ARHGAP15: variants seen among roughly 807,000 people sequenced by gnomAD.
ARHGAP15 encodes the protein rho GTPase-activating protein 15.
Under a neutral mutation model 63.7 loss-of-function variants are expected in ARHGAP15, and 51 were observed. The observed-to-expected ratio is 0.80, with a 90% CI of 0.64 to 1.01. ARHGAP15 has a LOEUF of 1.01. Ranked by LOEUF, ARHGAP15 falls within the 50% of genes least tolerant of loss-of-function variation. The pLI, the probability that ARHGAP15 is intolerant of heterozygous loss-of-function variation, is 0.00. For synonymous variants in ARHGAP15, 191 were observed against 193.8 expected (o/e 0.99, Z 0.12); for missense variants, 560 against 564.6 (o/e 0.99, Z 0.08).
At chr2:143,751,331 C>G (rs1198694866) in intron 13 of ARHGAP15, among the ~76,000 whole-genome samples, 1 of 152,132 alleles carries the variant, frequency 6.6e-6, no homozygotes, top group African/African-American at 2.4e-5. Context: ...TCAGCTGAGG[C>G]AAACCCTGCA....
intron 6 of ARHGAP15, among the ~76,000 whole-genome samples, chr2:143,403,361 T>C (rs926153879): frequency 6.6e-6 from 1 of 151,890 alleles, no homozygotes; most frequent in African/African-American, 2.4e-5. Context: ...CCACTTCCAG[T>C]TCACATGCCT....
chr2:143,610,912 A>G (rs1008941904), intron 11 of ARHGAP15, among the ~76,000 whole-genome samples: 3 of 152,038 alleles, frequency 2.0e-5, no homozygotes, highest in African/African-American at 7.2e-5. Flanking sequence ...TATTTTTAGT[A>G]GAGACGGGGT....
chr2:143,464,505 TAAATC>T (rs1429001712), intron 8 of ARHGAP15, among the ~76,000 whole-genome samples: 6 of 152,132 alleles, frequency 3.9e-5, no homozygotes, highest in South Asian at 2.1e-4. Context: ...AATAAATAAA[TAAATC>T]CTCTGTATAT....
intron 2 of ARHGAP15, among the ~76,000 whole-genome samples, chr2:143,188,856 C>A (rs1691555780): frequency 6.6e-6 from 1 of 151,778 alleles, no homozygotes; most frequent in Admixed American, 6.6e-5. Flanking sequence ...GAACCCCTGA[C>A]CTTGTGATCC....
chr2:143,725,087 G>T (rs573774109), intron 13 of ARHGAP15, among the ~76,000 whole-genome samples: 1 of 152,244 alleles, frequency 6.6e-6, no homozygotes, highest in East Asian at 1.9e-4. Context: ...TACTAATTTT[G>T]TTGTTCGATT....
chr2:143,327,987 CAT>C (rs1294932311), intron 6 of ARHGAP15, among the ~76,000 whole-genome samples: 24 of 151,432 alleles, frequency 1.6e-4, no homozygotes, highest in Admixed American at 6.6e-5. Flanking sequence ...GGCCAAAAAA[CAT>C]ATGAAAAACT....
intron 12 of ARHGAP15, among the ~76,000 whole-genome samples, chr2:143,684,550 A>C (rs899494524): frequency 6.6e-6 from 1 of 152,198 alleles, no homozygotes; most frequent in African/African-American, 2.4e-5. Flanking sequence ...AATGTCACAG[A>C]AGAGGCAAAC....
intron 2 of ARHGAP15, among the ~76,000 whole-genome samples, chr2:143,159,591 G>A (rs576999532): frequency 5.3e-5 from 8 of 152,016 alleles, no homozygotes; most frequent in Admixed American, 4.6e-4. Flanking sequence ...CAAAAATAGC[G>A]CTGCTTGGAA....
At chr2:143,265,221 ATTTT>A (rs55917586) in intron 6 of ARHGAP15, among the ~76,000 whole-genome samples, 2 of 146,664 alleles carry the variant, frequency 1.4e-5, no homozygotes, top group African/African-American at 5.0e-5. Flanking sequence ...TATATCTGTG[ATTTT>A]TTTTTTTTTT....
intron 6 of ARHGAP15, among the ~76,000 whole-genome samples, chr2:143,356,700 G>T (rs530573837): frequency 3.3e-5 from 5 of 152,038 alleles, no homozygotes; most frequent in Non-Finnish European, 7.4e-5. Flanking sequence ...TATGTGGCTC[G>T]TTGAAATTAC....
At chr2:143,683,948 A>C (rs1683213336) in intron 12 of ARHGAP15, among the ~76,000 whole-genome samples, 1 of 152,228 alleles carries the variant, frequency 6.6e-6, no homozygotes, top group Non-Finnish European at 1.5e-5. Flanking sequence ...CAGGATAGCA[A>C]GGTTATACCA....
intron 6 of ARHGAP15, among the ~76,000 whole-genome samples, chr2:143,330,391 A>G (rs897986000): frequency 2.0e-5 from 3 of 152,084 alleles, no homozygotes; most frequent in Non-Finnish European, 2.9e-5. Context: ...TGCATAATAG[A>G]AACAAATTTC....
At chr2:143,428,801 A>G (rs1035021577) in intron 6 of ARHGAP15, among the ~76,000 whole-genome samples, 2 of 152,246 alleles carry the variant, frequency 1.3e-5, no homozygotes. Flanking sequence ...AATAATACCA[A>G]TTTGAAAACA....
intron 13 of ARHGAP15, among the ~76,000 whole-genome samples, chr2:143,751,245 G>A (rs1255185346): frequency 1.3e-5 from 2 of 152,188 alleles, no homozygotes; most frequent in African/African-American, 2.4e-5. Context: ...AGATGGCTTG[G>A]CCTTGATACA....
At chr2:143,685,610 G>C (rs1334835942) in intron 12 of ARHGAP15, among the ~76,000 whole-genome samples, 1 of 152,096 alleles carries the variant, frequency 6.6e-6, no homozygotes, top group Non-Finnish European at 1.5e-5. Context: ...GTGCACAAAG[G>C]GATACAGAGC....
chr2:143,696,186 G>C (rs2105405446), intron 12 of ARHGAP15, among the ~76,000 whole-genome samples: 1 of 151,766 alleles, frequency 6.6e-6, no homozygotes, highest in South Asian at 2.1e-4. Flanking sequence ...TTAGAAGAAA[G>C]ACATAAACTT....
chr2:143,326,299 T>C (rs1446115470), intron 6 of ARHGAP15, among the ~76,000 whole-genome samples: 1 of 152,192 alleles, frequency 6.6e-6, no homozygotes, highest in Admixed American at 6.5e-5. Context: ...TTTACTATTA[T>C]CTGAGCAACA....
At chr2:143,571,103 C>G (rs1696433671) in intron 11 of ARHGAP15, among the ~76,000 whole-genome samples, 1 of 152,144 alleles carries the variant, frequency 6.6e-6, no homozygotes, top group Non-Finnish European at 1.5e-5. Flanking sequence ...GTTGCATGCT[C>G]CTTATGAGAA....
chr2:143,149,923 T>C (rs1689748245), intron 1 of ARHGAP15, among the ~76,000 whole-genome samples: 1 of 152,080 alleles, frequency 6.6e-6, no homozygotes, highest in African/African-American at 2.4e-5. Flanking sequence ...GCATGATACA[T>C]ACCTAACGTG....
Sources: gnomAD v4.1 joint callset for allele counts (sites outside exome capture counted in the v4.1 genomes callset) on GRCh38, gnomAD v4.1.1 for gene constraint, MANE v1.5 for transcripts, NCBI Gene and HGNC (gene_info 2026-07-23, HGNC 2026-07-21) for gene names.